ADCY10: variants seen among roughly 807,000 people sequenced by gnomAD.
The protein encoded by ADCY10 is adenylate cyclase type 10.
Under a neutral mutation model 183.3 loss-of-function variants are expected in ADCY10, and 156 were observed. The observed-to-expected ratio is 0.85, with a 90% CI of 0.75 to 0.97. The LOEUF is 0.97. Ranked by LOEUF, ADCY10 falls within the 50% of genes least tolerant of loss-of-function variation. ADCY10 has a pLI of 0.00. For synonymous variants in ADCY10, 645 were observed against 670.0 expected, an observed-to-expected ratio of 0.96 and a Z score of 0.58; for missense variants, 1,745 against 1,934.3, an observed-to-expected ratio of 0.90 and a Z score of 1.84.
chr1:167,895,020 A>G (rs1668863230), intron 7 of ADCY10, among the ~76,000 whole-genome samples: 1 of 152,064 alleles, frequency 6.6e-6, no homozygotes, highest in Non-Finnish European at 1.5e-5. Flanking sequence ...TGTCTCTACT[A>G]AAAATACAAA....
intron 14 of ADCY10, among the ~76,000 whole-genome samples, chr1:167,864,490 C>T (rs765525269): frequency 8.1e-4 from 123 of 152,028 alleles, no homozygotes; most frequent in Admixed American, 1.8e-3. Flanking sequence ...AGTTTCTGTA[C>T]GTAGACAATT....
intron 12 of ADCY10, among the ~76,000 whole-genome samples, chr1:167,875,896 T>C (rs376086039): frequency 4.6e-5 from 7 of 151,658 alleles, no homozygotes; most frequent in African/African-American, 1.7e-4. Context: ...GAGCTTGCAG[T>C]GAGCCGAGAT....
chr1:167,850,662 C>CGTGTGTGTGTGT (rs35744623), intron 18 of ADCY10, among the ~76,000 whole-genome samples: 52 of 87,904 alleles, frequency 5.9e-4, no homozygotes, highest in African/African-American at 2.3e-3. Context: ...AAAAGGGGGC[C>CGTGTGTGTGTGT]GTGTGTGTGT....
At chr1:167,870,824 C>G (rs1000649281) in intron 13 of ADCY10, among the ~76,000 whole-genome samples, 10 of 148,204 alleles carry the variant, frequency 6.7e-5, no homozygotes. Flanking sequence ...AAAAAAAAAA[C>G]TTGGAATTTC....
At chr1:167,820,418 C>G (rs981025562) in intron 30 of ADCY10, 8 of 519,878 alleles carry the variant, frequency 1.5e-5, no homozygotes, top group Admixed American at 3.9e-5. Context: ...CGACTGCCCT[C>G]CAGGTGATTT....
intron 8 of ADCY10, among the ~76,000 whole-genome samples, chr1:167,888,460 T>A (rs1668375180): frequency 6.6e-6 from 1 of 152,202 alleles, no homozygotes; most frequent in African/African-American, 2.4e-5. Context: ...TTTATAGTTT[T>A]CACGGTAGAG....
At chr1:167,839,759 T>C (rs955212936) in intron 21 of ADCY10, among the ~76,000 whole-genome samples, 1 of 152,166 alleles carries the variant, frequency 6.6e-6, no homozygotes, top group African/African-American at 2.4e-5. Flanking sequence ...ATAATAAATG[T>C]CTACCATTTT....
chr1:167,840,410 G>T (rs772169260), intron 21 of ADCY10, among the ~76,000 whole-genome samples: 1 of 149,658 alleles, frequency 6.7e-6, no homozygotes, highest in African/African-American at 2.5e-5. Context: ...AGGCTGGAGC[G>T]CAGTGGTGCA....
chr1:167,836,245 C>T (rs1664181870), intron 23 of ADCY10, 64 bp downstream of exon 23: 2 of 1,116,710 alleles, frequency 1.8e-6, no homozygotes, highest in Non-Finnish European at 1.4e-6. Flanking sequence ...CTGGAGCTTC[C>T]TTCTGGCTCT....
intron 18 of ADCY10, among the ~76,000 whole-genome samples, chr1:167,848,797 C>T (rs1398583685): frequency 6.6e-6 from 1 of 151,990 alleles, no homozygotes; most frequent in Non-Finnish European, 1.5e-5. Flanking sequence ...TACAGCCGCC[C>T]ACTACCATGC....
At chr1:167,838,940 C>G (rs1254291418) in intron 21 of ADCY10, among the ~76,000 whole-genome samples, 1 of 152,070 alleles carries the variant, frequency 6.6e-6, no homozygotes, top group Non-Finnish European at 1.5e-5. Flanking sequence ...TTTTTCTTAC[C>G]CCCTTCCCTA....
In ADCY10 at chr1:167,829,409, G is replaced by A. The variant is rs776815531; in HGVS notation, c.3608C>T (p.Ala1203Val). Residue 1203 changes from alanine (A) to valine (V), a missense_variant, in exon 26 of 33, where the codon GCA (alanine) becomes GTA (valine). Physicochemically the swap from Ala to Val is moderately conservative, Grantham distance 64. Coordinates refer to ENST00000367851, the MANE Select transcript of ADCY10 (RefSeq NM_018417.6). Reference sequence around the variant, plus strand: ...GCAGACAGTTTGCCGGTAAAGTTGTGCCAGCCTCTTCTTCCTATTGGATAA... The same window carrying A: ...GCAGACAGTTTGCCGGTAAAGTTGTACCAGCCTCTTCTTCCTATTGGATAA... ...ESPPPGKKRL[A>V]QLYRQTVCLS... is the part of the protein sequence containing the mutation. 1.2e-6 allele frequency: 2 copies of A among 1,614,142 alleles called. No homozygotes were observed. Among genetic ancestry groups the A allele is most frequent in the East Asian group, 2.2e-5 (1 of 44,880 alleles).
chr1:167,875,847 G>A (rs1396124509), intron 12 of ADCY10, among the ~76,000 whole-genome samples: 2 of 152,180 alleles, frequency 1.3e-5, no homozygotes, highest in African/African-American at 2.4e-5. Flanking sequence ...CAGCTACTCA[G>A]GGGGCTGAGG....
chr1:167,861,210 T>C (rs1666259006), intron 14 of ADCY10, 147 bp from the exon 15 acceptor site: 1 of 718,948 alleles, frequency 1.4e-6, no homozygotes, highest in Non-Finnish European at 2.4e-6. Flanking sequence ...TCTTTATTGC[T>C]GCTTCTGATA....
Position 167,899,647 on chromosome 1 carries a change from A to G in ADCY10, c.437-19T>C. On this transcript the variant is annotated intron_variant, in intron 5 of 32. Transcript: ENST00000367851. Reference sequence around the variant, plus strand: ...GCCAGTCCTGGCAAGAAGGCAAGGAATAGGTTTGCACAAGAAGTTCTGGAT... The same window carrying G: ...GCCAGTCCTGGCAAGAAGGCAAGGAGTAGGTTTGCACAAGAAGTTCTGGAT... 2 of 1,611,524 alleles carry G rather than the reference A, an allele frequency of 1.2e-6. No homozygotes were observed. Among genetic ancestry groups the G allele is most frequent in the Admixed American group, 1.7e-5 (1 of 60,016 alleles).
Position 167,837,481 on chromosome 1 carries a change from G to A in ADCY10, c.3008-163C>T, listed in dbSNP as rs140420896. ...TGTATCTTAGGTGAAGCCACGTGAT[G>A]AGTTCTCACAATAGAATTAGATCAG... On this transcript the variant is annotated intron_variant, in intron 21 of 32. Coordinates refer to ENST00000367851, the MANE Select transcript of ADCY10 (RefSeq NM_018417.6). 7.3e-3 allele frequency among the ~76,000 whole-genome samples: 1,119 copies of A among 152,300 alleles called. 57 individuals carry two copies. Among genetic ancestry groups the A allele is most frequent in the Admixed American group, 0.068 (1,039 of 15,294 alleles).
intron 14 of ADCY10, among the ~76,000 whole-genome samples, chr1:167,863,421 T>C (rs1328535672): frequency 6.6e-6 from 1 of 152,012 alleles, no homozygotes; most frequent in East Asian, 1.9e-4. Flanking sequence ...CGGACCCCCT[T>C]AGAGTTGTGA....
chr1:167,824,150 C>T (rs144659583), intron 28 of ADCY10, among the ~76,000 whole-genome samples: 2,138 of 152,218 alleles, frequency 0.014, 50 homozygotes, highest in African/African-American at 0.042. Flanking sequence ...GTGAAACCCC[C>T]TCTCTTCTAA....
intron 8 of ADCY10, among the ~76,000 whole-genome samples, chr1:167,889,843 C>G (rs1038668480): frequency 2.0e-5 from 3 of 152,160 alleles, no homozygotes; most frequent in Non-Finnish European, 4.4e-5. Flanking sequence ...TAGTAGCCAC[C>G]AATGATCCTT....
Sources: allele counts gnomAD v4.1 joint callset (sites outside exome capture counted in the v4.1 genomes callset), GRCh38; gene constraint gnomAD v4.1.1; transcripts MANE v1.5; gene names NCBI Gene and HGNC (gene_info 2026-07-23, HGNC 2026-07-21).